SEPTIN10: variants seen among roughly 807,000 people sequenced by gnomAD.
SEPTIN10 encodes the protein septin 10.
A neutral mutation model predicts 54.8 loss-of-function variants in SEPTIN10; 66 were observed. The ratio of observed to expected loss-of-function variants is 1.21; its 90% CI spans 0.99 to 1.48. The LOEUF is 1.48. Among genes scored for constraint, SEPTIN10 ranks in the 40% most tolerant of loss-of-function variants. SEPTIN10 has a pLI of 0.00. For synonymous variants in SEPTIN10, 161 were observed against 181.0 expected (o/e 0.89, Z 0.89); for missense variants, 620 against 545.6 (o/e 1.14, Z -1.36).
At chr2:109,611,035 C>CTTTTGACATGGACTCATGTCA (rs1699151226) in intron 1 of SEPTIN10, among the ~76,000 whole-genome samples, 1 of 152,132 alleles carries the variant, frequency 6.6e-6, no homozygotes, top group Non-Finnish European at 1.5e-5. Flanking sequence ...CAGACCCACA[C>CTTTTGACATGGACTCATGTCA]AAATATGCTC....
At chr2:109,604,963 A>C (rs977600085) in intron 1 of SEPTIN10, 4 of 152,164 alleles carry the variant, frequency 2.6e-5, no homozygotes, top group Admixed American at 6.5e-5. Flanking sequence ...ATAGGAGAGG[A>C]ATCAGCACAG....
At chr2:109,613,096 T>G (rs1573927497) in intron 1 of SEPTIN10, 456 of 959,030 alleles carry the variant, frequency 4.8e-4, no homozygotes, top group Non-Finnish European at 6.1e-4. Context: ...CAAACGGCGG[T>G]GAGATCACTC....
chr2:109,593,731 C>G (rs1278171195), intron 1 of SEPTIN10, among the ~76,000 whole-genome samples: 1 of 151,926 alleles, frequency 6.6e-6, no homozygotes, highest in East Asian at 1.9e-4. Flanking sequence ...ACTCTAAGAG[C>G]CAAGAAGTCC....
chr2:109,568,373 C>CTTTTTT (rs5833333), intron 5 of SEPTIN10, among the ~76,000 whole-genome samples: 1 of 129,176 alleles, frequency 7.7e-6, no homozygotes. Flanking sequence ...GCCACACAAT[C>CTTTTTT]TTTTTTTTTT....
At chr2:109,593,629 C>A (rs1173067862) in intron 1 of SEPTIN10, among the ~76,000 whole-genome samples, 1 of 152,086 alleles carries the variant, frequency 6.6e-6, no homozygotes, top group Non-Finnish European at 1.5e-5. Flanking sequence ...TGGTCTCGAA[C>A]TTCTGACCTC....
At chr2:109,579,424 A>T (rs1376357750) in intron 4 of SEPTIN10, among the ~76,000 whole-genome samples, 1 of 144,392 alleles carries the variant, frequency 6.9e-6, no homozygotes, top group Non-Finnish European at 1.5e-5. Flanking sequence ...GCTCTTGTTG[A>T]CCAGGCTTGA....
At chr2:109,545,606 T>C in intron 10 of SEPTIN10, 1 of 1,531,906 alleles carries the variant, frequency 6.5e-7, no homozygotes, top group East Asian at 2.4e-5. Context: ...AAACTGAACC[T>C]AAGAATTAAT....
intron 4 of SEPTIN10, among the ~76,000 whole-genome samples, chr2:109,579,738 A>T (rs1019623487): frequency 5.3e-5 from 8 of 152,108 alleles, no homozygotes; most frequent in African/African-American, 1.9e-4. Flanking sequence ...AAATAACTCT[A>T]ATCTTATGCA....
chr2:109,612,547 G>A (rs546829448), intron 1 of SEPTIN10, among the ~76,000 whole-genome samples: 1 of 152,280 alleles, frequency 6.6e-6, no homozygotes, highest in East Asian at 1.9e-4. Context: ...AGTTTAATTC[G>A]AAAATAAGTA....
intron 2 of SEPTIN10, among the ~76,000 whole-genome samples, chr2:109,587,448 A>G (rs1692820348): frequency 6.6e-6 from 1 of 152,040 alleles, no homozygotes; most frequent in African/African-American, 2.4e-5. Context: ...AGAAGGTGAA[A>G]GTGGGGGGTA....
At chr2:109,594,221 T>C (rs914922041) in intron 1 of SEPTIN10, among the ~76,000 whole-genome samples, 1 of 152,232 alleles carries the variant, frequency 6.6e-6, no homozygotes, top group East Asian at 1.9e-4. Flanking sequence ...CAGCACAAGA[T>C]AATGAGGAAA....
intron 4 of SEPTIN10, among the ~76,000 whole-genome samples, chr2:109,577,577 G>A (rs1689980361): frequency 1.3e-5 from 2 of 149,586 alleles, no homozygotes; most frequent in Non-Finnish European, 3.0e-5. Flanking sequence ...CAGTGACAGA[G>A]TGAGACTCCA....
intron 1 of SEPTIN10, among the ~76,000 whole-genome samples, chr2:109,602,117 C>A (rs572356281): frequency 6.6e-6 from 1 of 152,258 alleles, no homozygotes; most frequent in Non-Finnish European, 1.5e-5. Context: ...GGCACAGTAA[C>A]CCCTATCAAT....
chr2:109,551,724 A>G (rs555994164), intron 9 of SEPTIN10, among the ~76,000 whole-genome samples: 64 of 152,372 alleles, frequency 4.2e-4, no homozygotes, highest in Non-Finnish European at 7.3e-4. Context: ...TTTCCTGCAC[A>G]GTTCATTTAC....
intron 4 of SEPTIN10, among the ~76,000 whole-genome samples, chr2:109,577,116 C>T (rs1689862334): frequency 6.6e-6 from 1 of 152,022 alleles, no homozygotes; most frequent in African/African-American, 2.4e-5. Flanking sequence ...AGGGAGACTT[C>T]TTAATAGCAA....
intron 2 of SEPTIN10, among the ~76,000 whole-genome samples, chr2:109,586,498 G>A (rs1433575572): frequency 1.3e-5 from 2 of 152,192 alleles, no homozygotes; most frequent in Admixed American, 6.5e-5. Flanking sequence ...GATGTCCATT[G>A]GAGATTGGGG....
chr2:109,565,688 C>T, intron 7 of SEPTIN10, 75 bp downstream of exon 7: 4 of 1,257,652 alleles, frequency 3.2e-6, no homozygotes, highest in Non-Finnish European at 4.7e-6. Flanking sequence ...AAGCATCACC[C>T]CAAAGAAGGC....
At chr2:109,545,425 T>C (rs780004480) in intron 10 of SEPTIN10, 12 of 1,536,076 alleles carry the variant, frequency 7.8e-6, no homozygotes, top group Non-Finnish European at 9.6e-6. Flanking sequence ...CACATGCTAC[T>C]CATGGCTGCC....
At chr2:109,588,249 T>G (rs1232250113) in intron 2 of SEPTIN10, among the ~76,000 whole-genome samples, 1 of 152,084 alleles carries the variant, frequency 6.6e-6, no homozygotes, top group Non-Finnish European at 1.5e-5. Context: ...ATGATCAAAG[T>G]TCTTCAAGAG....
Sources: gnomAD v4.1 joint callset for allele counts (sites outside exome capture counted in the v4.1 genomes callset) on GRCh38, gnomAD v4.1.1 for gene constraint, MANE v1.5 for transcripts, NCBI Gene and HGNC (gene_info 2026-07-23, HGNC 2026-07-21) for gene names.